The following GALNT13 variants were observed in gnomAD, a reference collection of about 807,000 sequenced individuals.
GALNT13 encodes the protein polypeptide N-acetylgalactosaminyltransferase 13.
A neutral mutation model predicts 64.2 loss-of-function variants in GALNT13; 28 were observed. That is an observed-to-expected ratio of 0.44 (90% CI 0.32 to 0.60). GALNT13 has a LOEUF of 0.60. Ranked by LOEUF, GALNT13 falls within the 20% of genes least tolerant of loss-of-function variation. The pLI is 0.05. For missense variants in GALNT13, 577 were observed against 669.8 expected (o/e 0.86, Z 1.53); for synonymous variants, 214 against 224.6 (o/e 0.95, Z 0.42).
At chr2:153,404,159 G>A in the GALNT13 span, among the ~76,000 whole-genome samples, 2 of 152,152 alleles carry the variant, frequency 1.3e-5, no homozygotes, top group South Asian at 4.1e-4. Context: ...ATTAGTCCGA[G>A]GTGATAGATG....
the GALNT13 span, among the ~76,000 whole-genome samples, chr2:153,726,168 G>GA: frequency 6.6e-6 from 1 of 152,148 alleles, no homozygotes; most frequent in African/African-American, 2.4e-5. Context: ...TGCATATACA[G>GA]AAAAATTACA....
chr2:154,169,021 AAAGAC>A (rs1281277073), intron 4 of GALNT13, among the ~76,000 whole-genome samples: 5 of 151,996 alleles, frequency 3.3e-5, no homozygotes, highest in Non-Finnish European at 5.9e-5. Flanking sequence ...TCATGACAGA[AAAGAC>A]AAGAGAGAGA....
the GALNT13 span, among the ~76,000 whole-genome samples, chr2:153,106,603 G>A: frequency 6.6e-6 from 1 of 152,160 alleles, no homozygotes; most frequent in African/African-American, 2.4e-5. Flanking sequence ...TAATTGATGA[G>A]TTGGTCCAGA....
chr2:153,728,518 G>A, the GALNT13 span, among the ~76,000 whole-genome samples: 24 of 152,188 alleles, frequency 1.6e-4, no homozygotes, highest in East Asian at 7.7e-4. Flanking sequence ...AATTTGTAGC[G>A]CTAAATGCCC....
At chr2:153,517,900 T>C in the GALNT13 span, among the ~76,000 whole-genome samples, 1 of 152,092 alleles carries the variant, frequency 6.6e-6, no homozygotes, top group East Asian at 1.9e-4. Flanking sequence ...AATAACCAAA[T>C]ACACAGTGAC....
At chr2:154,235,904 A>G (rs1689168481) in intron 4 of GALNT13, 2 of 244,646 alleles carry the variant, frequency 8.2e-6, no homozygotes, top group South Asian at 1.3e-4. Flanking sequence ...TAATGTGTGC[A>G]TAGCCTAGGG....
chr2:153,266,998 A>T, the GALNT13 span, among the ~76,000 whole-genome samples: 1 of 152,214 alleles, frequency 6.6e-6, no homozygotes, highest in African/African-American at 2.4e-5. Context: ...GAGTGTGGGC[A>T]TTGGGTAAGT....
chr2:154,435,433 G>A (rs991299468), intron 11 of GALNT13, among the ~76,000 whole-genome samples: 1 of 152,182 alleles, frequency 6.6e-6, no homozygotes. Context: ...TGTCTGTGGA[G>A]TAGTGAGATG....
chr2:154,049,458 T>TAA (rs1553471132), intron 3 of GALNT13, among the ~76,000 whole-genome samples: 70 of 147,330 alleles, frequency 4.8e-4, no homozygotes, highest in African/African-American at 1.6e-3. Flanking sequence ...TATATATATA[T>TAA]AATGGTATAT....
At chr2:153,844,531 C>A in the GALNT13 span, among the ~76,000 whole-genome samples, 1 of 152,212 alleles carries the variant, frequency 6.6e-6, no homozygotes, top group Admixed American at 6.5e-5. Flanking sequence ...CTCTGAAAGG[C>A]CTTCAAAGCC....
At chr2:153,830,876 A>G in the GALNT13 span, among the ~76,000 whole-genome samples, 24 of 152,122 alleles carry the variant, frequency 1.6e-4, no homozygotes, top group Admixed American at 1.6e-3. Flanking sequence ...TTCTTTCCTC[A>G]TGCTGAATCC....
At position 154,384,671 on chromosome 2, in the gene GALNT13, G is replaced by C. The variant is rs145769355; in HGVS notation, c.1157-11320G>C. Among the ~76,000 whole-genome samples, 459 of 151,894 alleles carry C rather than the reference G, an allele frequency of 3.0e-3. 5 individuals carry two copies. The highest frequency in any genetic ancestry group is 9.9e-3 in the African/African-American group (409 of 41,512). The stretch of plus-strand genomic sequence containing the variant: ...TTGATCAAGCAGCTTTATATTTGCA[G>C]GATGACTCTTTTGAATCACTTTTCA... On this transcript the variant is annotated intron_variant, in intron 9 of 12. Coordinates refer to ENST00000392825, the MANE Select transcript of GALNT13 (RefSeq NM_052917.4).
At chr2:153,632,931 CT>C in the GALNT13 span, among the ~76,000 whole-genome samples, 6 of 150,424 alleles carry the variant, frequency 4.0e-5, no homozygotes, top group African/African-American at 7.3e-5. Context: ...TTTTTTGGCA[CT>C]TTTTTTTTAG....
At chr2:153,291,468 C>T in the GALNT13 span, among the ~76,000 whole-genome samples, 1 of 152,094 alleles carries the variant, frequency 6.6e-6, no homozygotes, top group Non-Finnish European at 1.5e-5. Flanking sequence ...ATATTTTCAA[C>T]AACAGCATTT....
the GALNT13 span, among the ~76,000 whole-genome samples, chr2:153,619,016 C>T: frequency 2.0e-5 from 3 of 151,912 alleles, no homozygotes; most frequent in Admixed American, 2.0e-4. Context: ...AGTCCATTTA[C>T]ATTCAATGCT....
chr2:153,980,454 G>A (rs1004622014), intron 3 of GALNT13, among the ~76,000 whole-genome samples: 1 of 152,146 alleles, frequency 6.6e-6, no homozygotes, highest in African/African-American at 2.4e-5. Context: ...GAGGGAATAG[G>A]AAGAGTAGAC....
At chr2:153,788,762 G>A in the GALNT13 span, among the ~76,000 whole-genome samples, 1,537 of 151,952 alleles carry the variant, frequency 0.01, 22 homozygotes, top group African/African-American at 0.034. Flanking sequence ...GAAATCTGCC[G>A]AGGAAATGGA....
At chr2:154,414,910 C>A (rs1699943267) in intron 11 of GALNT13, among the ~76,000 whole-genome samples, 1 of 151,530 alleles carries the variant, frequency 6.6e-6, no homozygotes, top group African/African-American at 2.4e-5. Context: ...ACATTTATAT[C>A]ATCATAAAGG....
chr2:153,295,630 G>C, the GALNT13 span, among the ~76,000 whole-genome samples: 2 of 151,852 alleles, frequency 1.3e-5, no homozygotes, highest in African/African-American at 4.8e-5. Context: ...ATTCTTTTGC[G>C]CACTAAAGTT....
Sources: allele counts gnomAD v4.1 joint callset (sites outside exome capture counted in the v4.1 genomes callset), GRCh38; gene constraint gnomAD v4.1.1; transcripts MANE v1.5; gene names NCBI Gene and HGNC (gene_info 2026-07-23, HGNC 2026-07-21).